The following SV2C variants were observed in gnomAD, a reference collection of about 807,000 sequenced individuals.
The protein encoded by SV2C is synaptic vesicle glycoprotein 2C, also known as solute carrier family 22 member B3.
SV2C carries 49 observed loss-of-function variants against 79.7 expected under a neutral mutation model. That is an observed-to-expected ratio of 0.61 (90% CI 0.49 to 0.78). The LOEUF is 0.78. Ranked by LOEUF, SV2C falls within the 30% of genes least tolerant of loss-of-function variation. The probability of loss-of-function intolerance (pLI) is 0.00; values close to 1 mark genes in which losing one functional copy is unlikely to be tolerated. For synonymous variants in SV2C, 334 were observed against 333.2 expected (o/e 1.00, Z -0.03); for missense variants, 833 against 912.9 (o/e 0.91, Z 1.13).
At chr5:76,058,664 C>A in the SV2C span, among the ~76,000 whole-genome samples, 1 of 152,026 alleles carries the variant, frequency 6.6e-6, no homozygotes, top group Admixed American at 6.6e-5. Flanking sequence ...AAAATTAAAT[C>A]TGGAACAGAA....
At chr5:76,246,483 T>C (rs1745951417) in intron 4 of SV2C, among the ~76,000 whole-genome samples, 1 of 152,224 alleles carries the variant, frequency 6.6e-6, no homozygotes, top group South Asian at 2.1e-4. Context: ...GACAGGCAGC[T>C]AGACATTTTT....
chr5:76,276,979 A>T (rs1388289169), intron 4 of SV2C, among the ~76,000 whole-genome samples: 1 of 152,230 alleles, frequency 6.6e-6, no homozygotes, highest in Non-Finnish European at 1.5e-5. Context: ...CTAAAGTAGG[A>T]ATGAATGAAC....
At chr5:76,035,226 G>GT in the SV2C span, among the ~76,000 whole-genome samples, 354 of 143,408 alleles carry the variant, frequency 2.5e-3, no homozygotes, top group Middle Eastern at 3.6e-3. Context: ...TTTTTGAAGG[G>GT]TTTTTTTTTT....
At chr5:76,155,378 T>C (rs530520939) in intron 2 of SV2C, among the ~76,000 whole-genome samples, 1 of 152,310 alleles carries the variant, frequency 6.6e-6, no homozygotes, top group South Asian at 2.1e-4. Flanking sequence ...ACCTCCACTT[T>C]TCTTCCCCCA....
chr5:76,123,960 T>G (rs73130267), intron 1 of SV2C, among the ~76,000 whole-genome samples: 5,866 of 152,284 alleles, frequency 0.039, 372 homozygotes, highest in African/African-American at 0.13. Context: ...CTCATGCATC[T>G]GCATAGTCTA....
At chr5:76,150,724 A>G (rs948605216) in intron 2 of SV2C, among the ~76,000 whole-genome samples, 3 of 130,590 alleles carry the variant, frequency 2.3e-5, no homozygotes, top group Admixed American at 9.4e-5. Flanking sequence ...TGCAGTTTCA[A>G]CCTCCTGGGC....
chr5:76,042,577 C>G, the SV2C span, among the ~76,000 whole-genome samples: 1 of 152,332 alleles, frequency 6.6e-6, no homozygotes, highest in South Asian at 2.1e-4. Context: ...TTGCCTCTGT[C>G]CTCATCTCTT....
At chr5:75,918,060 G>A in the SV2C span, among the ~76,000 whole-genome samples, 3 of 152,184 alleles carry the variant, frequency 2.0e-5, no homozygotes, top group Non-Finnish European at 4.4e-5. Flanking sequence ...GGTGAGGATT[G>A]TATTTTACCT....
At chr5:76,032,816 C>T in the SV2C span, among the ~76,000 whole-genome samples, 2 of 152,198 alleles carry the variant, frequency 1.3e-5, no homozygotes, top group Admixed American at 6.5e-5. Flanking sequence ...CCCGGAAAAT[C>T]GCCACACTGA....
At chr5:76,337,990 G>T (rs1191151851), downstream of SV2C, among the ~76,000 whole-genome samples, 2 of 152,172 alleles carry the variant, frequency 1.3e-5, no homozygotes, top group Non-Finnish European at 1.5e-5. Context: ...GGCTCCAAGG[G>T]GAGCCAGGGG....
At chr5:75,984,563 A>ATCTG in the SV2C span, among the ~76,000 whole-genome samples, 3,240 of 49,856 alleles carry the variant, frequency 0.065, 61 homozygotes, top group East Asian at 0.14. Flanking sequence ...CTATCTATCT[A>ATCTG]TCTATATCTA....
the SV2C span, among the ~76,000 whole-genome samples, chr5:75,855,431 C>G: frequency 6.6e-6 from 1 of 152,084 alleles, no homozygotes; most frequent in South Asian, 2.1e-4. Flanking sequence ...TTTCTACATA[C>G]AGGTATACCT....
chr5:75,997,259 T>C, the SV2C span, among the ~76,000 whole-genome samples: 75 of 152,036 alleles, frequency 4.9e-4, no homozygotes, highest in Non-Finnish European at 8.1e-4. Context: ...TTTTTGTCAT[T>C]GGTTCTGATG....
At chr5:76,206,555 C>T (rs1356030062) in intron 3 of SV2C, among the ~76,000 whole-genome samples, 1 of 152,210 alleles carries the variant, frequency 6.6e-6, no homozygotes, top group Non-Finnish European at 1.5e-5. Flanking sequence ...TGAGGTGTAT[C>T]TTTCTATTCA....
intron 12 of SV2C, among the ~76,000 whole-genome samples, chr5:76,309,299 C>CTTAACCTACA: frequency 6.6e-6 from 1 of 152,018 alleles, no homozygotes; most frequent in Non-Finnish European, 1.5e-5. Context: ...CTGGTTAAGA[C>CTTAACCTACA]ACTTAAGTTG....
intron 1 of SV2C, among the ~76,000 whole-genome samples, chr5:76,109,944 TA>T (rs1748047435): frequency 6.6e-6 from 1 of 152,230 alleles, no homozygotes; most frequent in Non-Finnish European, 1.5e-5. Flanking sequence ...GAAAGTCATT[TA>T]AATCCACAAT....
Position 76,300,802 on chromosome 5 carries a change from G to A in SV2C, c.1710G>A (p.Gln570=), listed in dbSNP as rs199566434. The A allele has an allele frequency of 1.9e-4, 305 of 1,614,026 alleles. No individual in the cohort carries two copies. The highest frequency in any genetic ancestry group is 5.5e-4 in the Admixed American group (33 of 60,012). Residue 570 remains glutamine, a synonymous_variant, in exon 11 of 13, where the codon CAG becomes CAA. Transcript: ENST00000502798. ...CSFFHNKTGC[Q]ITFDDDYSAY... is the part of the protein sequence containing the mutation. The stretch of plus-strand genomic sequence containing the variant: ...TTTTTCACAACAAGACGGGATGTCA[G>A]ATTACCTTTGATGATGACTATAGTG...
chr5:75,854,251 C>T, the SV2C span, among the ~76,000 whole-genome samples: 1 of 152,114 alleles, frequency 6.6e-6, no homozygotes, highest in East Asian at 1.9e-4. Flanking sequence ...TATGAACATA[C>T]CACTTATTTA....
chr5:75,883,838 A>G, the SV2C span, among the ~76,000 whole-genome samples: 2 of 141,358 alleles, frequency 1.4e-5, no homozygotes, highest in Non-Finnish European at 3.0e-5. Flanking sequence ...AAAGTATAAT[A>G]ATATTTAAAA....
Sources: allele counts gnomAD v4.1 joint callset (sites outside exome capture counted in the v4.1 genomes callset), GRCh38; gene constraint gnomAD v4.1.1; transcripts MANE v1.5; gene names NCBI Gene and HGNC (gene_info 2026-07-23, HGNC 2026-07-21).